The following UMAD1 variants were observed in gnomAD, a reference collection of about 807,000 sequenced individuals.
UMAD1 encodes UBAP1-MVB12-associated (UMA)-domain containing protein 1.
UMAD1 carries 8 observed loss-of-function variants against 6.1 expected under a neutral mutation model. That is an observed-to-expected ratio of 1.30 (90% CI 0.76 to 2.35). The LOEUF is 2.35. UMAD1 is among the 30% of genes most tolerant of loss of function. The pLI, the probability that UMAD1 is intolerant of heterozygous loss-of-function variation, is 0.00. For synonymous variants in UMAD1, 56 were observed against 31.4 expected (o/e 1.78, Z -2.61); for missense variants, 130 against 78.4 (o/e 1.66, Z -2.49).
intron 2 of UMAD1, among the ~76,000 whole-genome samples, chr7:7,754,846 C>T (rs1047120178): frequency 3.9e-5 from 6 of 151,982 alleles, no homozygotes; most frequent in Admixed American, 3.3e-4. Flanking sequence ...TATTTTTTTC[C>T]ACAAACGAGA....
intron 3 of UMAD1, among the ~76,000 whole-genome samples, chr7:7,840,314 G>A (rs529255137): frequency 5.9e-5 from 9 of 152,212 alleles, no homozygotes; most frequent in South Asian, 2.1e-4. Flanking sequence ...GTATATGCTC[G>A]TGGTCTTCAA....
chr7:7,873,416 A>G (rs935555788), intron 3 of UMAD1, among the ~76,000 whole-genome samples: 3 of 152,194 alleles, frequency 2.0e-5, no homozygotes. Context: ...TGGTGGTGTC[A>G]TTACTCATAC....
At chr7:7,808,943 T>C (rs551298102) in intron 3 of UMAD1, among the ~76,000 whole-genome samples, 1 of 151,938 alleles carries the variant, frequency 6.6e-6, no homozygotes, top group Non-Finnish European at 1.5e-5. Flanking sequence ...CCTGTGGTTA[T>C]ACTGACAGAA....
chr7:7,854,970 G>A (rs908494795), intron 3 of UMAD1, among the ~76,000 whole-genome samples: 1 of 152,202 alleles, frequency 6.6e-6, no homozygotes, highest in African/African-American at 2.4e-5. Context: ...CCCCATGCAA[G>A]TTTGAAATCC....
At chr7:7,649,305 A>G (rs1449454864) in intron 1 of UMAD1, among the ~76,000 whole-genome samples, 4 of 152,202 alleles carry the variant, frequency 2.6e-5, no homozygotes, top group Admixed American at 2.0e-4. Context: ...GCAAGAGACC[A>G]TGAGAGAAAT....
At chr7:7,763,424 C>T (rs962175800) in intron 2 of UMAD1, among the ~76,000 whole-genome samples, 54 of 152,156 alleles carry the variant, frequency 3.5e-4, no homozygotes, top group African/African-American at 1.2e-3. Flanking sequence ...CCCTCCTCCA[C>T]CCCCAGTAGA....
At chr7:7,847,866 A>T (rs1238571050) in intron 3 of UMAD1, among the ~76,000 whole-genome samples, 1 of 152,134 alleles carries the variant, frequency 6.6e-6, no homozygotes, top group East Asian at 1.9e-4. Context: ...TTAACTGCAA[A>T]AACCGAAACC....
At chr7:7,798,623 G>C (rs1388860120) in intron 2 of UMAD1, among the ~76,000 whole-genome samples, 2 of 152,208 alleles carry the variant, frequency 1.3e-5, no homozygotes, top group Admixed American at 6.5e-5. Context: ...TGCCTTCAGA[G>C]CTCCCTATCA....
intron 3 of UMAD1, among the ~76,000 whole-genome samples, chr7:7,825,235 G>T (rs1342023198): frequency 6.6e-6 from 1 of 152,080 alleles, no homozygotes; most frequent in African/African-American, 2.4e-5. Context: ...CATCACTGAA[G>T]TTAATTAATA....
chr7:7,749,355 C>T (rs1781635117), intron 2 of UMAD1, among the ~76,000 whole-genome samples: 1 of 152,160 alleles, frequency 6.6e-6, no homozygotes, highest in African/African-American at 2.4e-5. Context: ...CAGCAGTGCA[C>T]ACTTTAATAG....
intron 2 of UMAD1, chr7:7,742,425 G>C (rs1781490152): frequency 1.8e-6 from 1 of 570,922 alleles, no homozygotes; most frequent in Non-Finnish European, 3.4e-6. Flanking sequence ...GTGGGTGACG[G>C]GCAGATCTTT....
intron 3 of UMAD1, among the ~76,000 whole-genome samples, chr7:7,856,795 C>G (rs1250716774): frequency 1.3e-5 from 2 of 152,162 alleles, no homozygotes; most frequent in East Asian, 3.8e-4. Flanking sequence ...AAAGCATATA[C>G]TTTACATATA....
chr7:7,852,966 T>G (rs576476679), intron 3 of UMAD1, among the ~76,000 whole-genome samples: 6 of 152,164 alleles, frequency 3.9e-5, no homozygotes, highest in Admixed American at 3.9e-4. Flanking sequence ...CTCTCTGGAA[T>G]GAGGGTCGTA....
At chr7:7,769,423 G>T (rs1290039952) in intron 2 of UMAD1, among the ~76,000 whole-genome samples, 1 of 152,106 alleles carries the variant, frequency 6.6e-6, no homozygotes, top group African/African-American at 2.4e-5. Flanking sequence ...AACATGATGG[G>T]GTGGAGGGGA....
intron 2 of UMAD1, among the ~76,000 whole-genome samples, chr7:7,755,706 C>G (rs1413409879): frequency 2.6e-5 from 4 of 151,962 alleles, no homozygotes; most frequent in African/African-American, 7.3e-5. Context: ...AAAAAAAATC[C>G]GAGTGGTTAC....
intron 2 of UMAD1, chr7:7,772,464 T>C (rs1407776750): frequency 6.6e-6 from 1 of 152,196 alleles, no homozygotes; most frequent in Non-Finnish European, 1.5e-5. Flanking sequence ...GGTAAGTTAA[T>C]ATATACAGTC....
intron 3 of UMAD1, among the ~76,000 whole-genome samples, chr7:7,873,612 C>G (rs887774623): frequency 2.6e-5 from 4 of 152,160 alleles, no homozygotes; most frequent in East Asian, 3.8e-4. Context: ...AATTATAAGA[C>G]CACTCTTATA....
At chr7:7,694,216 A>G (rs7810800) in intron 2 of UMAD1, among the ~76,000 whole-genome samples, 12,550 of 152,066 alleles carry the variant, frequency 0.083, 596 homozygotes, top group Middle Eastern at 0.12. Flanking sequence ...CTTTTCTTGT[A>G]CTTATTGGTA....
chr7:7,724,084 A>G (rs1781097396), intron 2 of UMAD1, among the ~76,000 whole-genome samples: 1 of 152,144 alleles, frequency 6.6e-6, no homozygotes, highest in South Asian at 2.1e-4. Flanking sequence ...ATCCCATTAT[A>G]CTACCGACAA....
Sources: gnomAD v4.1 joint callset for allele counts (sites outside exome capture counted in the v4.1 genomes callset) on GRCh38, gnomAD v4.1.1 for gene constraint, MANE v1.5 for transcripts, NCBI Gene and HGNC (gene_info 2026-07-23, HGNC 2026-07-21) for gene names.